RNLS: variants seen among roughly 807,000 people sequenced by gnomAD.
RNLS encodes renalase.
In RNLS, 39 loss-of-function variants were observed where a neutral mutation model predicts 39.8. The observed-to-expected ratio is 0.98, with a 90% CI of 0.76 to 1.28. The LOEUF (loss-of-function observed/expected upper bound fraction) is 1.28, where lower values mean the gene tolerates loss of function less well. Among genes scored for constraint, RNLS ranks in the 50% most tolerant of loss-of-function variants. RNLS has a pLI of 0.00. For missense variants in RNLS, 410 were observed against 413.3 expected (o/e 0.99, Z 0.07); for synonymous variants, 147 against 150.7 (o/e 0.98, Z 0.18).
At chr10:88,265,674 G>A in the RNLS span, among the ~76,000 whole-genome samples, 1 of 152,134 alleles carries the variant, frequency 6.6e-6, no homozygotes, top group African/African-American at 2.4e-5. Context: ...GTGTATAGCA[G>A]AACTACTGAT....
intron 4 of RNLS, among the ~76,000 whole-genome samples, chr10:88,502,751 C>CA (rs1564852765): frequency 6.6e-6 from 1 of 152,080 alleles, no homozygotes; most frequent in East Asian, 1.9e-4. Flanking sequence ...AGAAGGGCTA[C>CA]ACATTAGGAA....
intron 5 of RNLS, among the ~76,000 whole-genome samples, chr10:88,358,854 A>G (rs1038618782): frequency 2.6e-5 from 4 of 152,176 alleles, no homozygotes; most frequent in Non-Finnish European, 5.9e-5. Flanking sequence ...AACTGACTGT[A>G]TTTTGTGGTC....
chr10:88,206,038 CAGAGCACTGGGGCTCAAT>C, the RNLS span, among the ~76,000 whole-genome samples: 1 of 152,152 alleles, frequency 6.6e-6, no homozygotes, highest in Admixed American at 6.5e-5. Flanking sequence ...CACGTGTTTT[CAGAGCACTGGGGCTCAAT>C]AATTAACCTT....
intron 6 of RNLS, among the ~76,000 whole-genome samples, chr10:88,286,129 C>T (rs939946571): frequency 2.0e-5 from 3 of 152,044 alleles, no homozygotes; most frequent in Non-Finnish European, 4.4e-5. Context: ...TATAGCAGCC[C>T]AAATTGACCA....
At chr10:88,403,069 G>A (rs1028545354) in intron 4 of RNLS, among the ~76,000 whole-genome samples, 2 of 151,898 alleles carry the variant, frequency 1.3e-5, no homozygotes, top group Non-Finnish European at 2.9e-5. Flanking sequence ...TGAATGTTAA[G>A]TGACATCATG....
chr10:88,468,700 T>G lies in RNLS; in HGVS notation c.526+104203A>C, dbSNP rs367718765. Among the ~76,000 whole-genome samples, 8 of 152,316 alleles carry G rather than the reference T, an allele frequency of 5.3e-5. No homozygotes were observed. The South Asian group carries it at 1.7e-3, about 32-fold the overall frequency. On this transcript the variant is annotated intron_variant, in intron 4 of 6. Coordinates refer to ENST00000331772, the MANE Select transcript of RNLS (RefSeq NM_001031709.3). Reference sequence around the variant, plus strand: ...TTACCTAGTATGCATCTCATCTCTTTGCACATGAGCTGCTATGGGCTGCTG... The same window carrying G: ...TTACCTAGTATGCATCTCATCTCTTGGCACATGAGCTGCTATGGGCTGCTG...
chr10:88,392,091 C>T (rs1317801584), intron 4 of RNLS, among the ~76,000 whole-genome samples: 5 of 152,308 alleles, frequency 3.3e-5, no homozygotes, highest in African/African-American at 1.2e-4. Context: ...TAGAGTTCAC[C>T]CAATGTGAAT....
intron 3 of RNLS, among the ~76,000 whole-genome samples, chr10:88,578,049 T>C (rs984220005): frequency 6.6e-6 from 1 of 152,206 alleles, no homozygotes; most frequent in Non-Finnish European, 1.5e-5. Flanking sequence ...GTTGGCAATT[T>C]GATTTCTTAA....
rs1843144580 is a variant in RNLS, at chr10:88,284,591, C to T, written c.*763G>A. 1 of 985,150 alleles carries T rather than the reference C, an allele frequency of 1.0e-6. No individual in the cohort carries two copies. The highest frequency in any genetic ancestry group is 1.7e-5 in the African/African-American group (1 of 57,320). The allele number at this position is 985,150 out of a possible 1,614,324, so 61.0% of individuals were successfully genotyped here. A position where few individuals can be genotyped will look rare whatever the true frequency, so the allele number is the denominator to read the frequency against. On this transcript the variant is annotated 3_prime_UTR_variant, in exon 7 of 7. Transcript: ENST00000331772. ...ATGCCACAGCACATACTGGAGAACCCATAAAGTAACAGCAACAGCTATAAA... is the reference window on the plus strand; with the variant it reads ...ATGCCACAGCACATACTGGAGAACCTATAAAGTAACAGCAACAGCTATAAA...
chr10:88,434,518 T>G (rs1472170928), intron 4 of RNLS, among the ~76,000 whole-genome samples: 9 of 152,200 alleles, frequency 5.9e-5, no homozygotes, highest in Non-Finnish European at 1.2e-4. Flanking sequence ...TACATGACAC[T>G]ATTAAATGTG....
intron 6 of RNLS, among the ~76,000 whole-genome samples, chr10:88,289,772 A>G (rs983694950): frequency 2.0e-5 from 3 of 152,144 alleles, no homozygotes; most frequent in Admixed American, 1.3e-4. Flanking sequence ...AACCTACACA[A>G]AAAGTATTAT....
chr10:88,352,279 G>A (rs998935098), intron 5 of RNLS, among the ~76,000 whole-genome samples: 1 of 152,146 alleles, frequency 6.6e-6, no homozygotes, highest in African/African-American at 2.4e-5. Context: ...TCTTGTGCCA[G>A]TTTTCAAAGG....
At chr10:88,243,121 T>C in the RNLS span, among the ~76,000 whole-genome samples, 3 of 152,170 alleles carry the variant, frequency 2.0e-5, no homozygotes, top group African/African-American at 4.8e-5. Context: ...TTAAATCATA[T>C]AATGTGTGGG....
intron 5 of RNLS, among the ~76,000 whole-genome samples, chr10:88,325,963 C>T (rs916535391): frequency 6.6e-6 from 1 of 152,162 alleles, no homozygotes; most frequent in African/African-American, 2.4e-5. Flanking sequence ...TCTGTCCTGC[C>T]GCCATGTGAG....
intron 3 of RNLS, among the ~76,000 whole-genome samples, chr10:88,574,591 T>C (rs539064572): frequency 1.8e-4 from 28 of 152,328 alleles, no homozygotes; most frequent in African/African-American, 4.8e-4. Flanking sequence ...ATCTCTTTCA[T>C]TGACCCTTAA....
intron 1 of RNLS, 41 bp downstream of exon 1, chr10:88,583,032 G>A: frequency 6.3e-7 from 1 of 1,596,102 alleles, no homozygotes; most frequent in Non-Finnish European, 8.6e-7. Context: ...AGCCTGCCCG[G>A]CAGTCCTCTT....
At chr10:88,383,095 A>T (rs1230243688) in intron 4 of RNLS, among the ~76,000 whole-genome samples, 1 of 152,136 alleles carries the variant, frequency 6.6e-6, no homozygotes, top group African/African-American at 2.4e-5. Flanking sequence ...CAGTAGTGTC[A>T]ATGGTGATAT....
chr10:88,375,880 G>A (rs1287690560), intron 4 of RNLS, among the ~76,000 whole-genome samples: 3 of 152,152 alleles, frequency 2.0e-5, no homozygotes, highest in African/African-American at 7.2e-5. Context: ...TGATTATATA[G>A]CATCCTGAGG....
intron 4 of RNLS, among the ~76,000 whole-genome samples, chr10:88,525,575 C>A (rs1240219727): frequency 2.6e-5 from 4 of 152,048 alleles, no homozygotes; most frequent in African/African-American, 9.7e-5. Context: ...CATACGCAAA[C>A]ACTTACTGGT....
Sources: gnomAD v4.1 joint callset for allele counts (sites outside exome capture counted in the v4.1 genomes callset) on GRCh38, gnomAD v4.1.1 for gene constraint, MANE v1.5 for transcripts, NCBI Gene and HGNC (gene_info 2026-07-23, HGNC 2026-07-21) for gene names.